The following OSCP1 variants were observed in gnomAD, a reference collection of about 807,000 sequenced individuals.
OSCP1 encodes the protein organic solute carrier partner 1.
OSCP1 carries 35 observed loss-of-function variants against 45.1 expected under a neutral mutation model. The ratio of observed to expected loss-of-function variants is 0.78; its 90% CI spans 0.59 to 1.03. OSCP1 has a LOEUF of 1.03. Ranked by LOEUF, OSCP1 falls within the 50% of genes least tolerant of loss-of-function variation. The pLI is 0.00. For synonymous variants in OSCP1, 179 were observed against 180.1 expected (o/e 0.99, Z 0.05); for missense variants, 400 against 470.7 (o/e 0.85, Z 1.39).
At position 36,422,148 on chromosome 1, in the gene OSCP1, A is replaced by G; in HGVS notation, c.819+2T>C. 1 of 1,613,354 alleles carries G rather than the reference A, an allele frequency of 6.2e-7. No homozygotes were observed. Among genetic ancestry groups the G allele is most frequent in the Non-Finnish European group, 8.5e-7 (1 of 1,179,298 alleles). Reference sequence around the variant, plus strand: ...GGGTAGGCAAGGAAGGCAGAAGCTCACCTGGGTCCATGAGGCTAAGTTCTT... The same window carrying G: ...GGGTAGGCAAGGAAGGCAGAAGCTCGCCTGGGTCCATGAGGCTAAGTTCTT... On this transcript the variant is annotated splice_donor_variant, in intron 7 of 9. Coordinates refer to ENST00000235532, the MANE Select transcript of OSCP1 (RefSeq NM_145047.5). LOFTEE classifies it high-confidence loss of function.
rs77219698 is a variant in OSCP1 at position 36,424,634 on chromosome 1, A to C, written c.517-1168T>G. Among the ~76,000 whole-genome samples, 2,963 of 152,250 alleles carry C rather than the reference A, an allele frequency of 0.019. 290 individuals carry two copies. In the East Asian group the frequency reaches 0.29, roughly 15 times the overall value. On this transcript the variant is annotated intron_variant, in intron 4 of 9. Transcript: ENST00000235532. ...AGAAGGATGGGGCTGGGGCAGGGGG[A>C]TCCAGCTGACATTTAAGTTTGAGGA...
intron 1 of OSCP1, chr1:36,443,972 C>T (rs1649351961): frequency 6.2e-7 from 1 of 1,606,564 alleles, no homozygotes; most frequent in Non-Finnish European, 8.5e-7. Context: ...TGTGGATGCA[C>T]ACTGAACACA....
intron 4 of OSCP1, among the ~76,000 whole-genome samples, chr1:36,426,942 G>A (rs1647998728): frequency 6.6e-6 from 1 of 150,738 alleles, no homozygotes; most frequent in Non-Finnish European, 1.5e-5. Flanking sequence ...CTGACCTCAA[G>A]TGATCTGCCT....
chr1:36,419,027 C>T lies in OSCP1; in HGVS notation c.987G>A (p.Glu329=). 1 of 1,612,586 alleles carries T rather than the reference C, an allele frequency of 6.2e-7. No homozygotes were observed. The highest frequency in any genetic ancestry group is 8.5e-7 in the Non-Finnish European group (1 of 1,178,800). ...GTATGTTGATAACTTCATAGGATAA[C>T]TCTTCTGGCCTGGTTAGCGCTGCTT... is the stretch of plus-strand genomic sequence containing the variant. ...EEQAALTRPE[E]LSYEVINIQA... Residue 329 remains glutamate (E), a synonymous_variant, in exon 9 of 10, where the codon GAG becomes GAA. Transcript: ENST00000235532.
At chr1:36,418,357 T>G in intron 9 of OSCP1, 102 bp from the exon 10 acceptor site, 2 of 907,906 alleles carry the variant, frequency 2.2e-6, no homozygotes, top group Admixed American at 3.9e-5. Context: ...ACTGATATGT[T>G]TCAGTTGCGC....
intron 8 of OSCP1, 125 bp downstream of exon 8, chr1:36,420,351 T>C: frequency 1.7e-6 from 2 of 1,163,882 alleles, no homozygotes; most frequent in Non-Finnish European, 2.4e-6. Context: ...ATTAAATTTG[T>C]TGGTATTTTA....
chr1:36,421,883 C>T (rs565013709), intron 7 of OSCP1: 29 of 517,994 alleles, frequency 5.6e-5, no homozygotes, highest in East Asian at 2.3e-4. Flanking sequence ...ACTGGTACTA[C>T]GCTACTGCAT....
rs755352920 is a variant in OSCP1 at position 36,432,550 on chromosome 1, A to G, written c.307T>C (p.Leu103=). ...ACATCCTTGGGTCGGGGACACAGCAATACTTGATATTTGAAAGCCATGGTC... is the reference window on the plus strand; with the variant it reads ...ACATCCTTGGGTCGGGGACACAGCAGTACTTGATATTTGAAAGCCATGGTC... ...LMTMAFKYQV[L]LCPRPKDVLL... The change falls in exon 3 of 10, where the codon TTG becomes CTG. Residue 103 remains leucine (L), a synonymous_variant. Coordinates refer to ENST00000235532, the MANE Select transcript of OSCP1 (RefSeq NM_145047.5). The G allele has an allele frequency of 1.6e-5, 26 of 1,614,062 alleles. No homozygotes were observed. Among genetic ancestry groups the G allele is most frequent in the South Asian group, 1.4e-4 (13 of 91,090 alleles).
At chr1:36,442,251 G>A (rs1431812705) in intron 1 of OSCP1, among the ~76,000 whole-genome samples, 1 of 151,364 alleles carries the variant, frequency 6.6e-6, no homozygotes, top group Non-Finnish European at 1.5e-5. Context: ...GGAGGCTAAG[G>A]CAGGGGAGGG....
At chr1:36,435,242 G>A (rs1258078990) in intron 2 of OSCP1, among the ~76,000 whole-genome samples, 1 of 151,308 alleles carries the variant, frequency 6.6e-6, no homozygotes, top group Non-Finnish European at 1.5e-5. Context: ...CTACAGTTGT[G>A]TGCCACTGTG....
chr1:36,419,009 G>T lies in OSCP1; in HGVS notation c.1005C>A (p.Ile335=). 6.2e-7 allele frequency: 1 copy of T among 1,611,442 alleles called. No individual in the cohort carries two copies. Among genetic ancestry groups the T allele is most frequent in the Non-Finnish European group, 8.5e-7 (1 of 1,177,646 alleles). ...TACGTACCTGGGTGGCTTGTATGTT[G>T]ATAACTTCATAGGATAACTCTTCTG... ...TRPEELSYEV[I]NIQATQDQQR... The change falls in exon 9 of 10, where the codon ATC becomes ATA. Residue 335 remains isoleucine (I), a synonymous_variant. Transcript: ENST00000235532.
rs67376533 is a variant in OSCP1 at position 36,449,835 on chromosome 1, CAAAAAA to C, written c.112+417_112+422del. Among the ~76,000 whole-genome samples the C allele has an allele frequency of 3.4e-4, 7 of 20,332 alleles. No individual in the cohort carries two copies. The South Asian group carries it at 0.015, about 45-fold the overall frequency. The allele number at this position is 20,332 out of a possible 152,430, so 13.3% of individuals were successfully genotyped here. On this transcript the variant is annotated intron_variant, in intron 1 of 9. Coordinates refer to ENST00000235532, the MANE Select transcript of OSCP1 (RefSeq NM_145047.5). Reference sequence around the variant, plus strand: ...TGGGCGACAGAGCGAGACCCTGTCTCAAAAAAAAAAAAAAAAAAAAAAAAAAAAAAA... The same window carrying C: ...TGGGCGACAGAGCGAGACCCTGTCTCAAAAAAAAAAAAAAAAAAAAAAAAA...
At chr1:36,439,518 A>C (rs956718442) in intron 1 of OSCP1, among the ~76,000 whole-genome samples, 4 of 152,160 alleles carry the variant, frequency 2.6e-5, no homozygotes, top group African/African-American at 9.7e-5. Flanking sequence ...AATAAAATAA[A>C]ATAAAAATAA....
intron 1 of OSCP1, among the ~76,000 whole-genome samples, chr1:36,441,364 C>CACA (rs1441252367): frequency 6.6e-6 from 1 of 152,146 alleles, no homozygotes; most frequent in Non-Finnish European, 1.5e-5. Flanking sequence ...AAATAAACAC[C>CACA]ACAGGCACAA....
chr1:36,431,015 T>C (rs770717235), intron 4 of OSCP1, among the ~76,000 whole-genome samples: 16 of 152,204 alleles, frequency 1.1e-4, no homozygotes, highest in Admixed American at 6.5e-4. Flanking sequence ...AAAGGTGACA[T>C]TCTGGTTCTG....
intron 1 of OSCP1, chr1:36,444,040 G>C (rs746092338): frequency 6.2e-7 from 1 of 1,612,924 alleles, no homozygotes; most frequent in Admixed American, 1.7e-5. Context: ...TCATCTACAT[G>C]AAGCATACAA....
chr1:36,441,473 G>C (rs1235316152), intron 1 of OSCP1, among the ~76,000 whole-genome samples: 1 of 152,026 alleles, frequency 6.6e-6, no homozygotes, highest in African/African-American at 2.4e-5. Flanking sequence ...TAGCGTACGG[G>C]CGCGGTGGCT....
intron 4 of OSCP1, among the ~76,000 whole-genome samples, chr1:36,427,126 G>A (rs1464280729): frequency 6.6e-6 from 1 of 151,066 alleles, no homozygotes; most frequent in African/African-American, 2.4e-5. Flanking sequence ...TCAGCCTCCC[G>A]AGTAGCTGGG....
At chr1:36,433,658 A>G (rs1232994185) in intron 2 of OSCP1, among the ~76,000 whole-genome samples, 2 of 152,214 alleles carry the variant, frequency 1.3e-5, no homozygotes, top group East Asian at 3.8e-4. Flanking sequence ...TAAAAGCTGA[A>G]TTATTAAAAA....
Sources: allele counts gnomAD v4.1 joint callset (sites outside exome capture counted in the v4.1 genomes callset), GRCh38; gene constraint gnomAD v4.1.1; transcripts MANE v1.5; gene names NCBI Gene and HGNC (gene_info 2026-07-23, HGNC 2026-07-21).